Variants in NUP58 observed in about 807,000 individuals in gnomAD.
NUP58 encodes nucleoporin 58.
In NUP58, 17 loss-of-function variants were observed where a neutral mutation model predicts 70.1. The ratio of observed to expected loss-of-function variants is 0.24; its 90% CI spans 0.17 to 0.36. The LOEUF is 0.36. Ranked by LOEUF, NUP58 falls within the 10% of genes least tolerant of loss-of-function variation. NUP58 has a pLI of 1.00. For missense variants in NUP58, 644 were observed against 701.5 expected (o/e 0.92, Z 0.93); for synonymous variants, 275 against 257.6 (o/e 1.07, Z -0.65).
At chr13:25,327,725 A>T (rs1036987582) in intron 12 of NUP58, among the ~76,000 whole-genome samples, 2 of 152,224 alleles carry the variant, frequency 1.3e-5, no homozygotes, top group Non-Finnish European at 2.9e-5. Flanking sequence ...GTCTGTTATT[A>T]TAACTTTTTT....
intron 7 of NUP58, 182 bp from the exon 8 acceptor site, chr13:25,320,348 T>C (rs964337412): frequency 1.5e-5 from 7 of 464,246 alleles, no homozygotes; most frequent in African/African-American, 1.2e-4. Context: ...AAAATTATTT[T>C]ATAGATCCTA....
At chr13:25,310,308 C>T (rs543748776) in intron 3 of NUP58, among the ~76,000 whole-genome samples, 46 of 148,776 alleles carry the variant, frequency 3.1e-4, no homozygotes, top group African/African-American at 1.1e-3. Flanking sequence ...GCAACTTCCG[C>T]CTCCTGGGTT....
intron 3 of NUP58, among the ~76,000 whole-genome samples, chr13:25,310,369 T>C (rs2030600399): frequency 6.6e-6 from 1 of 151,596 alleles, no homozygotes; most frequent in Non-Finnish European, 1.5e-5. Flanking sequence ...TACAGGCATG[T>C]GCCACCACGC....
chr13:25,329,911 C>G (rs2031543484), intron 12 of NUP58, among the ~76,000 whole-genome samples: 1 of 152,176 alleles, frequency 6.6e-6, no homozygotes, highest in African/African-American at 2.4e-5. Flanking sequence ...CAGCCTCAAT[C>G]TCCTGGGCCC....
chr13:25,317,540 A>G (rs1040959535), intron 6 of NUP58, among the ~76,000 whole-genome samples: 6 of 152,114 alleles, frequency 3.9e-5, no homozygotes, highest in African/African-American at 1.5e-4. Flanking sequence ...TTTTTTTTAT[A>G]TACATGTTTG....
intron 13 of NUP58, chr13:25,334,038 T>C: frequency 2.0e-6 from 2 of 985,244 alleles, no homozygotes; most frequent in South Asian, 4.7e-5. Flanking sequence ...TTGTCCTCCT[T>C]CAATTTTTTT....
chr13:25,340,015 A>G lies in NUP58; in HGVS notation c.1681A>G (p.Thr561Ala). 1 of 1,612,882 alleles carries G rather than the reference A, an allele frequency of 6.2e-7. No homozygotes were observed. The highest frequency in any genetic ancestry group is 8.5e-7 in the Non-Finnish European group (1 of 1,179,534). Residue 561 changes from threonine to alanine, a missense_variant, in exon 16 of 16, where the codon ACG (threonine) becomes GCG (alanine). By Grantham distance (58) the Thr-to-Ala change is moderately conservative. Coordinates refer to ENST00000381736, the MANE Select transcript of NUP58 (RefSeq NM_014089.4). ...GTTTAACTTCAGCAATCCTGGCATC[A>G]CGGCATCAGCTGGTTTGACTTTTGG... ...SGFNFSNPGI[T>A]ASAGLTFGVS...
At chr13:25,323,381 A>T (rs1450924312) in intron 9 of NUP58, among the ~76,000 whole-genome samples, 11 of 101,824 alleles carry the variant, frequency 1.1e-4, no homozygotes, top group African/African-American at 5.0e-4. Context: ...AATTAAATTA[A>T]AAAAAAAAAG....
chr13:25,302,573 G>A (rs2030079291), intron 1 of NUP58, among the ~76,000 whole-genome samples: 3 of 152,060 alleles, frequency 2.0e-5, no homozygotes, highest in African/African-American at 7.2e-5. Flanking sequence ...TTCAGGTGGC[G>A]ACAAAAACAT....
At chr13:25,304,507 TATATATATATGTA>T (rs2030207843) in intron 1 of NUP58, among the ~76,000 whole-genome samples, 1 of 100,326 alleles carries the variant, frequency 1.0e-5, no homozygotes, top group Non-Finnish European at 2.4e-5. Flanking sequence ...TATATATATA[TATATATATATGTA>T]TTTTTTTTTT....
At chr13:25,335,829 T>C in intron 13 of NUP58, 13 of 1,007,210 alleles carry the variant, frequency 1.3e-5, no homozygotes, top group Non-Finnish European at 1.5e-5. Context: ...TATATTACTT[T>C]GACAGTTCCC....
At chr13:25,325,888 T>C (rs1185490642) in intron 10 of NUP58, among the ~76,000 whole-genome samples, 4 of 152,188 alleles carry the variant, frequency 2.6e-5, no homozygotes, top group Non-Finnish European at 4.4e-5. Flanking sequence ...TTTAGTTTTT[T>C]ATTATAATTT....
intron 6 of NUP58, among the ~76,000 whole-genome samples, chr13:25,318,534 T>C (rs1160389124): frequency 2.0e-5 from 3 of 152,178 alleles, no homozygotes; most frequent in African/African-American, 7.2e-5. Flanking sequence ...ACAAATAATA[T>C]ACTTAATGTT....
chr13:25,347,181 C>T (rs75678131), downstream of NUP58, among the ~76,000 whole-genome samples: 2,922 of 152,188 alleles, frequency 0.019, 87 homozygotes, highest in African/African-American at 0.066. Context: ...CCATTTGTGG[C>T]TTCATGTTGG....
intron 1 of NUP58, among the ~76,000 whole-genome samples, chr13:25,305,147 T>TTTG (rs1555253624): frequency 2.4e-5 from 3 of 125,840 alleles, no homozygotes; most frequent in African/African-American, 6.4e-5. Flanking sequence ...TTTTTTTTTT[T>TTTG]TTTTTTTTTT....
chr13:25,335,586 TA>T (rs1230254950), intron 13 of NUP58: 3 of 982,066 alleles, frequency 3.1e-6, no homozygotes, highest in Non-Finnish European at 3.6e-6. Context: ...AATTTTAAAT[TA>T]TTTTTTTAAT....
At chr13:25,325,216 C>A in intron 10 of NUP58, 148 bp downstream of exon 10, 1 of 599,936 alleles carries the variant, frequency 1.7e-6, no homozygotes, top group South Asian at 2.3e-5. Flanking sequence ...TTCATAATAA[C>A]CCTAAAAAGG....
At chr13:25,335,267 T>A (rs1035239841) in intron 13 of NUP58, 1 of 985,310 alleles carries the variant, frequency 1.0e-6, no homozygotes, top group African/African-American at 1.7e-5. Context: ...AAAAATCTTA[T>A]GTTCTGTTGC....
At chr13:25,302,117 A>G (rs1479789628) in intron 1 of NUP58, among the ~76,000 whole-genome samples, 3 of 152,268 alleles carry the variant, frequency 2.0e-5, no homozygotes, top group Non-Finnish European at 4.4e-5. Flanking sequence ...TCCAGAATCC[A>G]CGTATAGTTC....
Sources: gnomAD v4.1 joint callset for allele counts (sites outside exome capture counted in the v4.1 genomes callset) on GRCh38, gnomAD v4.1.1 for gene constraint, MANE v1.5 for transcripts, NCBI Gene and HGNC (gene_info 2026-07-23, HGNC 2026-07-21) for gene names.